Variants in UBE2E2 observed in about 807,000 individuals in gnomAD.
The protein encoded by UBE2E2 is ubiquitin conjugating enzyme E2 E2.
Under a neutral mutation model 24.7 loss-of-function variants are expected in UBE2E2, and 6 were observed. That is an observed-to-expected ratio of 0.24 (90% confidence interval 0.13 to 0.48). The LOEUF is 0.48. Among genes scored for constraint, UBE2E2 ranks in the 20% least tolerant of loss-of-function variants. The pLI is 0.99. For missense variants in UBE2E2, 169 were observed against 245.0 expected, an observed-to-expected ratio of 0.69 and a Z score of 2.07; for synonymous variants, 104 against 83.6, an observed-to-expected ratio of 1.24 and a Z score of -1.33.
At chr3:23,528,708 C>T (rs1048492166) in intron 4 of UBE2E2, among the ~76,000 whole-genome samples, 4 of 152,184 alleles carry the variant, frequency 2.6e-5, no homozygotes, top group African/African-American at 9.7e-5. Context: ...CTCCTTTGCC[C>T]TCTTCCCTTT....
At chr3:23,227,153 G>A (rs1255709364) in intron 3 of UBE2E2, among the ~76,000 whole-genome samples, 1 of 152,050 alleles carries the variant, frequency 6.6e-6, no homozygotes, top group Non-Finnish European at 1.5e-5. Context: ...TGGCCTCTAC[G>A]GATCTTAAAA....
Position 23,439,771 on chromosome 3 carries a change from G to A in UBE2E2, c.228-59837G>A, listed in dbSNP as rs560647290. On this transcript the variant is annotated intron_variant, in intron 3 of 5. Coordinates refer to ENST00000396703, the MANE Select transcript of UBE2E2 (RefSeq NM_152653.4). ...TAGTTTAAACACTTTCAGCGAAAACGCATTGTATTTCTCACTCCATTCCTC... is the reference window on the plus strand; with the variant it reads ...TAGTTTAAACACTTTCAGCGAAAACACATTGTATTTCTCACTCCATTCCTC... 2.0e-5 allele frequency among the ~76,000 whole-genome samples: 3 copies of A among 152,088 alleles called. No individual in the cohort carries two copies. In the East Asian group the frequency reaches 5.8e-4, roughly 29 times the overall value.
chr3:23,360,599 C>T (rs569003958), intron 3 of UBE2E2, among the ~76,000 whole-genome samples: 5 of 152,102 alleles, frequency 3.3e-5, no homozygotes, highest in African/African-American at 1.2e-4. Context: ...TCAGGACTAG[C>T]TTCAGGTTCA....
intron 3 of UBE2E2, among the ~76,000 whole-genome samples, chr3:23,485,943 T>G (rs893179801): frequency 6.6e-6 from 1 of 152,226 alleles, no homozygotes; most frequent in Non-Finnish European, 1.5e-5. Context: ...TTTCTTGCTT[T>G]GCCTGGTAAC....
chr3:23,439,619 C>T (rs556037478), intron 3 of UBE2E2, among the ~76,000 whole-genome samples: 1 of 152,304 alleles, frequency 6.6e-6, no homozygotes, highest in Non-Finnish European at 1.5e-5. Flanking sequence ...TGAACTTTCT[C>T]CAGCTTGTCC....
rs1453236696 is a variant in UBE2E2 at position 23,332,674 on chromosome 3, G to GGGT, written c.227+115363_227+115364insGTG. The stretch of plus-strand genomic sequence containing the variant: ...CTTTGAGCTTCCTGGCAGCCAGTGG[G>GGGT]GTGTGTGTGTGTGTGTGTGTGTGTG... On this transcript the variant is annotated intron_variant, in intron 3 of 5. Transcript: ENST00000396703. Among the ~76,000 whole-genome samples, 10 of 108,130 alleles carry GGGT rather than the reference G, an allele frequency of 9.2e-5. No individual in the cohort carries two copies. In the East Asian group the frequency reaches 1.4e-3, roughly 15 times the overall value. The allele number at this position is 108,130 out of a possible 152,430, so 70.9% of individuals were successfully genotyped here.
chr3:23,418,237 A>G (rs1199805274), intron 3 of UBE2E2, among the ~76,000 whole-genome samples: 2 of 152,142 alleles, frequency 1.3e-5, no homozygotes, highest in Non-Finnish European at 2.9e-5. Context: ...ACCGTGGGAA[A>G]AGCGTAGTAT....
At chr3:23,334,430 C>G (rs1695151442) in intron 3 of UBE2E2, among the ~76,000 whole-genome samples, 1 of 152,062 alleles carries the variant, frequency 6.6e-6, no homozygotes, top group Non-Finnish European at 1.5e-5. Context: ...CGTCCTACAA[C>G]TGCGTATTGG....
intron 3 of UBE2E2, among the ~76,000 whole-genome samples, chr3:23,401,433 C>T (rs759843324): frequency 1.3e-5 from 2 of 152,184 alleles, no homozygotes; most frequent in Non-Finnish European, 2.9e-5. Flanking sequence ...CCCCACGATT[C>T]AGGTGAGAAA....
chr3:23,293,184 C>T (rs1698814876), intron 3 of UBE2E2, among the ~76,000 whole-genome samples: 1 of 152,226 alleles, frequency 6.6e-6, no homozygotes, highest in Non-Finnish European at 1.5e-5. Flanking sequence ...TCAATATCAT[C>T]CTAACGTTAG....
chr3:23,529,075 A>G (rs893525892), intron 4 of UBE2E2, among the ~76,000 whole-genome samples: 1 of 152,230 alleles, frequency 6.6e-6, no homozygotes, highest in Admixed American at 6.5e-5. Flanking sequence ...GATTCCATTT[A>G]TATAGCGTTC....
chr3:23,464,113 G>A (rs915215653), intron 3 of UBE2E2, among the ~76,000 whole-genome samples: 9 of 152,156 alleles, frequency 5.9e-5, no homozygotes, highest in African/African-American at 1.4e-4. Flanking sequence ...TGGTAACAGC[G>A]CAAATTAATA....
At chr3:23,271,376 A>G (rs1698237424) in intron 3 of UBE2E2, among the ~76,000 whole-genome samples, 1 of 152,168 alleles carries the variant, frequency 6.6e-6, no homozygotes, top group Non-Finnish European at 1.5e-5. Flanking sequence ...TGCAGCTCAT[A>G]AAGGTGGCGC....
intron 3 of UBE2E2, among the ~76,000 whole-genome samples, chr3:23,449,495 T>C (rs1698508029): frequency 6.6e-6 from 1 of 152,362 alleles, no homozygotes; most frequent in Non-Finnish European, 1.5e-5. Flanking sequence ...GGTGAGGTTT[T>C]TGTTATATCT....
At chr3:23,240,922 T>TTA (rs935311327) in intron 3 of UBE2E2, among the ~76,000 whole-genome samples, 72 of 152,330 alleles carry the variant, frequency 4.7e-4, no homozygotes, top group African/African-American at 1.7e-3. Context: ...TACTTATATA[T>TTA]TAACACTTAA....
chr3:23,537,237 G>T (rs541640650), intron 5 of UBE2E2, among the ~76,000 whole-genome samples: 2 of 152,192 alleles, frequency 1.3e-5, no homozygotes, highest in South Asian at 4.1e-4. Flanking sequence ...ACCAGCAGGG[G>T]CTTGCATTCG....
chr3:23,226,473 A>G (rs1432100454), intron 3 of UBE2E2, among the ~76,000 whole-genome samples: 1 of 150,504 alleles, frequency 6.6e-6, no homozygotes, highest in Non-Finnish European at 1.5e-5. Flanking sequence ...ACATTAAGTA[A>G]CTTGTTCAAG....
At chr3:23,532,031 C>T (rs1695133933) in intron 4 of UBE2E2, among the ~76,000 whole-genome samples, 2 of 145,422 alleles carry the variant, frequency 1.4e-5, no homozygotes, top group Non-Finnish European at 3.0e-5. Flanking sequence ...CACTGCACTC[C>T]AGCCTGGGCA....
chr3:23,334,996 G>A (rs988576082), intron 3 of UBE2E2, among the ~76,000 whole-genome samples: 6 of 152,126 alleles, frequency 3.9e-5, no homozygotes, highest in African/African-American at 1.4e-4. Context: ...GGAAACTTTT[G>A]AGCCTTAAAA....
Sources: allele counts gnomAD v4.1 joint callset (sites outside exome capture counted in the v4.1 genomes callset), GRCh38; gene constraint gnomAD v4.1.1; transcripts MANE v1.5; gene names NCBI Gene and HGNC (gene_info 2026-07-23, HGNC 2026-07-21).